The following GRIP1 variants were observed in gnomAD, a reference collection of about 807,000 sequenced individuals.
GRIP1 encodes the protein glutamate receptor-interacting protein 1.
Under a neutral mutation model 129.9 loss-of-function variants are expected in GRIP1, and 45 were observed. The observed-to-expected ratio is 0.35, with a 90% CI of 0.27 to 0.44. The LOEUF is 0.44. Ranked by LOEUF, GRIP1 falls within the 20% of genes least tolerant of loss-of-function variation. GRIP1 has a pLI of 1.00. For missense variants in GRIP1, 1,196 were observed against 1,396.8 expected (o/e 0.86, Z 2.29); for synonymous variants, 530 against 520.8 (o/e 1.02, Z -0.24).
At chr12:66,666,301 T>C (rs1411233040) in intron 1 of GRIP1, among the ~76,000 whole-genome samples, 1 of 152,148 alleles carries the variant, frequency 6.6e-6, no homozygotes, top group Non-Finnish European at 1.5e-5. Context: ...TCTGTGCTAC[T>C]CAATGGAGAA....
In GRIP1 at chr12:67,022,772, G is replaced by A. The variant is rs149135597; in HGVS notation, c.58+46278C>T. On this transcript the variant is annotated intron_variant, in intron 1 of 1. Coordinates refer to the GRIP1 transcript ENST00000643019. Reference sequence around the variant, plus strand: ...CAGGTTTGTTACATGGGTATACCACGTGGTACTGAGGTTTGAGGTATGCAT... The same window carrying A: ...CAGGTTTGTTACATGGGTATACCACATGGTACTGAGGTTTGAGGTATGCAT... Among the ~76,000 whole-genome samples the A allele has an allele frequency of 2.8e-4, 42 of 152,202 alleles. No individual in the cohort carries two copies. In the East Asian group the frequency reaches 7.9e-3, roughly 29 times the overall value.
intron 13 of GRIP1, among the ~76,000 whole-genome samples, chr12:66,437,339 T>C (rs1328635253): frequency 2.7e-5 from 4 of 148,866 alleles, no homozygotes; most frequent in Admixed American, 1.4e-4. Flanking sequence ...TAGAGTGTTT[T>C]ATTGAGGACT....
At chr12:67,018,888 C>T (rs115474206) in intron 1 of GRIP1, among the ~76,000 whole-genome samples, 140 of 152,108 alleles carry the variant, frequency 9.2e-4, no homozygotes, top group African/African-American at 3.2e-3. Flanking sequence ...TACTCCCTTC[C>T]CCCACCCTCT....
intron 1 of GRIP1, among the ~76,000 whole-genome samples, chr12:66,984,050 A>C (rs973521488): frequency 6.6e-6 from 1 of 152,218 alleles, no homozygotes; most frequent in Non-Finnish European, 1.5e-5. Flanking sequence ...CACAGCCAGC[A>C]ATTTGCAGAA....
intron 1 of GRIP1, among the ~76,000 whole-genome samples, chr12:66,985,662 T>C (rs2135615147): frequency 6.6e-6 from 1 of 152,274 alleles, no homozygotes; most frequent in Middle Eastern, 3.4e-3. Flanking sequence ...TCTCTCATCA[T>C]GTTAAAGTGG....
chr12:66,565,751 C>T (rs1440583460), intron 2 of GRIP1, among the ~76,000 whole-genome samples: 2 of 152,156 alleles, frequency 1.3e-5, no homozygotes, highest in African/African-American at 4.8e-5. Flanking sequence ...TTCTTCCTAT[C>T]CATGAGCATG....
intron 2 of GRIP1, among the ~76,000 whole-genome samples, chr12:66,559,198 A>T (rs1455225618): frequency 5.9e-5 from 9 of 151,976 alleles, no homozygotes; most frequent in Admixed American, 5.9e-4. Flanking sequence ...CATAATAAAA[A>T]CCATATAAGG....
intron 1 of GRIP1, among the ~76,000 whole-genome samples, chr12:66,826,398 CTA>C (rs2039414147): frequency 1.3e-5 from 2 of 151,992 alleles, no homozygotes; most frequent in Non-Finnish European, 2.9e-5. Context: ...ACGTGTATAT[CTA>C]TGTTATAAAC....
chr12:66,714,968 T>C (rs569772433), intron 1 of GRIP1, among the ~76,000 whole-genome samples: 2 of 151,890 alleles, frequency 1.3e-5, no homozygotes, highest in Non-Finnish European at 2.9e-5. Flanking sequence ...TATACATCCA[T>C]CCAACCCATC....
chr12:66,980,095 C>G (rs2042221845), intron 1 of GRIP1, among the ~76,000 whole-genome samples: 1 of 152,156 alleles, frequency 6.6e-6, no homozygotes, highest in Non-Finnish European at 1.5e-5. Context: ...ACAGCCAGAA[C>G]AGAAGACTCA....
chr12:66,497,106 G>C (rs2060258513), intron 7 of GRIP1, among the ~76,000 whole-genome samples: 1 of 152,066 alleles, frequency 6.6e-6, no homozygotes, highest in Non-Finnish European at 1.5e-5. Flanking sequence ...TGGTGTGTCA[G>C]GTACACACTA....
chr12:66,961,392 C>A (rs2041919060), intron 1 of GRIP1, among the ~76,000 whole-genome samples: 1 of 152,126 alleles, frequency 6.6e-6, no homozygotes, highest in African/African-American at 2.4e-5. Context: ...AAAAAGCAAG[C>A]CCCACCTACA....
At chr12:66,910,158 C>T (rs981263498) in intron 1 of GRIP1, among the ~76,000 whole-genome samples, 1 of 152,146 alleles carries the variant, frequency 6.6e-6, no homozygotes, top group African/African-American at 2.4e-5. Context: ...AAGACTTAGG[C>T]TCAGGACACA....
chr12:66,373,758 C>A lies in GRIP1; in HGVS notation c.2779-1831G>T, dbSNP rs142429304. Reference sequence around the variant, plus strand: ...TAACTGTAAAAAGACTTGCTGATCACTGAACATTAACATGTGCTAAGTCCC... The same window carrying A: ...TAACTGTAAAAAGACTTGCTGATCAATGAACATTAACATGTGCTAAGTCCC... On this transcript the variant is annotated intron_variant, in intron 22 of 24. Coordinates refer to ENST00000359742, the MANE Select transcript of GRIP1 (RefSeq NM_001366722.1). 2.6e-3 allele frequency among the ~76,000 whole-genome samples: 394 copies of A among 152,350 alleles called. 4 individuals carry two copies. Among genetic ancestry groups the A allele is most frequent in the African/African-American group, 8.1e-3 (338 of 41,584 alleles).
intron 11 of GRIP1, among the ~76,000 whole-genome samples, chr12:66,453,615 T>C (rs1182857036): frequency 6.6e-6 from 1 of 152,220 alleles, no homozygotes; most frequent in African/African-American, 2.4e-5. Flanking sequence ...AAATTGTGCT[T>C]ACTATTTACC....
intron 1 of GRIP1, among the ~76,000 whole-genome samples, chr12:66,879,365 G>A (rs766852921): frequency 2.0e-5 from 3 of 151,890 alleles, no homozygotes; most frequent in Non-Finnish European, 2.9e-5. Context: ...GAACTCCCTC[G>A]ATGAATCCAC....
At chr12:66,887,037 C>A (rs2040576996) in intron 1 of GRIP1, among the ~76,000 whole-genome samples, 1 of 152,164 alleles carries the variant, frequency 6.6e-6, no homozygotes, top group Non-Finnish European at 1.5e-5. Context: ...AAATGAATTT[C>A]AAATCTGGAA....
At chr12:66,951,183 TA>T (rs2041750970) in intron 1 of GRIP1, among the ~76,000 whole-genome samples, 1 of 152,210 alleles carries the variant, frequency 6.6e-6, no homozygotes, top group South Asian at 2.1e-4. Flanking sequence ...GATAAAAACA[TA>T]ATGAAGACTC....
At chr12:66,736,194 C>G (rs547966738) in intron 1 of GRIP1, among the ~76,000 whole-genome samples, 1 of 152,058 alleles carries the variant, frequency 6.6e-6, no homozygotes, top group Non-Finnish European at 1.5e-5. Context: ...GAGACAGGGT[C>G]TTGCTCTGTT....
Sources: gnomAD v4.1 joint callset for allele counts (sites outside exome capture counted in the v4.1 genomes callset) on GRCh38, gnomAD v4.1.1 for gene constraint, MANE v1.5 for transcripts, NCBI Gene and HGNC (gene_info 2026-07-23, HGNC 2026-07-21) for gene names.